The following CHP1 variants were observed in gnomAD, a reference collection of about 807,000 sequenced individuals.
CHP1 encodes the protein calcineurin B homologous protein 1.
A neutral mutation model predicts 27.4 loss-of-function variants in CHP1; 11 were observed. That is an observed-to-expected ratio of 0.40 (90% CI 0.25 to 0.67). CHP1 has a LOEUF of 0.67. Ranked by LOEUF, CHP1 falls within the 30% of genes least tolerant of loss-of-function variation. The probability of loss-of-function intolerance (pLI) is 0.38; values close to 1 mark genes in which losing one functional copy is unlikely to be tolerated. For missense variants in CHP1, 169 were observed against 251.3 expected (o/e 0.67, Z 2.22); for synonymous variants, 89 against 87.4 (o/e 1.02, Z -0.10).
chr15:41,247,797 G>A (rs773053764), intron 2 of CHP1, among the ~76,000 whole-genome samples: 15 of 151,362 alleles, frequency 9.9e-5, no homozygotes, highest in African/African-American at 1.5e-4. Context: ...GTGAAACCCC[G>A]TCTCTACTAA....
At chr15:41,246,165 C>T (rs2047333391) in intron 2 of CHP1, among the ~76,000 whole-genome samples, 1 of 152,046 alleles carries the variant, frequency 6.6e-6, no homozygotes, top group African/African-American at 2.4e-5. Context: ...TTATACTTGC[C>T]TCATAAATTC....
Position 41,278,885 on chromosome 15 carries a change from T to A in CHP1, c.530T>A (p.Val177Asp). ...AGTGCCATATCTTTCACAGAATTTGTTAAGGTTGGTCACTTACTTCTTGTT... is the reference window on the plus strand; with the variant it reads ...AGTGCCATATCTTTCACAGAATTTGATAAGGTTGGTCACTTACTTCTTGTT... ...GDSAISFTEF[V>D]KVLEKVDVEQ... Residue 177 changes from valine to aspartate, a missense_variant, in exon 6 of 7, where the codon GTT becomes GAT. Coordinates refer to ENST00000334660, the MANE Select transcript of CHP1 (RefSeq NM_007236.5). The A allele has an allele frequency of 6.2e-7, 1 of 1,614,028 alleles. No individual in the cohort carries two copies. Among genetic ancestry groups the A allele is most frequent in the Non-Finnish European group, 8.5e-7 (1 of 1,179,988 alleles).
intron 3 of CHP1, among the ~76,000 whole-genome samples, chr15:41,260,769 A>G (rs1012113050): frequency 1.3e-5 from 2 of 152,026 alleles, no homozygotes; most frequent in Non-Finnish European, 2.9e-5. Context: ...AGAATTATGC[A>G]TATGTTTTAA....
intron 2 of CHP1, among the ~76,000 whole-genome samples, chr15:41,246,624 CTTTTTTT>C (rs561426550): frequency 3.5e-5 from 2 of 57,304 alleles, no homozygotes; most frequent in African/African-American, 1.5e-4. Context: ...GGCCAAAAAG[CTTTTTTT>C]TTTTTTTTTT....
chr15:41,246,616 C>T (rs2047335854), intron 2 of CHP1, among the ~76,000 whole-genome samples: 1 of 139,736 alleles, frequency 7.2e-6, no homozygotes, highest in African/African-American at 2.7e-5. Context: ...CCGTGCCTGG[C>T]CAAAAAGCTT....
At chr15:41,240,057 G>A (rs2047298356) in intron 1 of CHP1, among the ~76,000 whole-genome samples, 1 of 152,038 alleles carries the variant, frequency 6.6e-6, no homozygotes, top group African/African-American at 2.4e-5. Flanking sequence ...ATTACAGCTG[G>A]GATTACAGGT....
At chr15:41,246,723 G>A (rs894253167) in intron 2 of CHP1, among the ~76,000 whole-genome samples, 1 of 142,022 alleles carries the variant, frequency 7.0e-6, no homozygotes, top group Non-Finnish European at 1.5e-5. Flanking sequence ...GGCTAACGCA[G>A]TGAAACCCCG....
intron 2 of CHP1, among the ~76,000 whole-genome samples, chr15:41,250,835 C>CTT (rs1188897531): frequency 1.1e-4 from 16 of 143,868 alleles, no homozygotes; most frequent in African/African-American, 3.3e-4. Context: ...TTCTTTCTTT[C>CTT]TTTTTTTTTT....
intron 3 of CHP1, among the ~76,000 whole-genome samples, chr15:41,258,293 C>T (rs1251112289): frequency 6.6e-6 from 1 of 152,198 alleles, no homozygotes; most frequent in African/African-American, 2.4e-5. Flanking sequence ...CATTCTTTTA[C>T]ATATCCATAG....
rs200738677 is a variant in CHP1 at position 41,252,925 on chromosome 15, TG to T, written c.141-3983del. ...AATCCACACAAATCTGTATTTCACA[TG>T]GTTTTTTTTTTTTTTTTTTTTTTTT... On this transcript the variant is annotated intron_variant, in intron 2 of 6. Coordinates refer to ENST00000334660, the MANE Select transcript of CHP1 (RefSeq NM_007236.5). Among the ~76,000 whole-genome samples the T allele has an allele frequency of 3.4e-4, 44 of 129,098 alleles. 1 individual carries two copies. Among genetic ancestry groups the T allele is most frequent in the African/African-American group, 1.2e-3 (40 of 34,592 alleles). The allele number at this position is 129,098 out of a possible 152,430, so 84.7% of individuals were successfully genotyped here.
chr15:41,257,098 C>A, intron 3 of CHP1, 108 bp downstream of exon 3: 1 of 765,844 alleles, frequency 1.3e-6, no homozygotes, highest in South Asian at 1.8e-5. Context: ...TGTGATACCC[C>A]CTGATTATAT....
chr15:41,274,549 G>A lies in CHP1; in HGVS notation c.411+3931G>A, dbSNP rs1390229530. On this transcript the variant is annotated intron_variant, in intron 5 of 6. Coordinates refer to ENST00000334660, the MANE Select transcript of CHP1 (RefSeq NM_007236.5). ...GTCCAGTAGCTGGGACTACATGCAT[G>A]TGTCACTGCACCTGGTGAAATGATG... is the stretch of plus-strand genomic sequence containing the variant. Among the ~76,000 whole-genome samples the A allele has an allele frequency of 3.3e-5, 5 of 152,238 alleles. No individual in the cohort carries two copies. In the South Asian group the frequency reaches 6.2e-4, roughly 19 times the overall value.
chr15:41,262,211 A>G (rs1555420934), intron 3 of CHP1, among the ~76,000 whole-genome samples: 3 of 151,936 alleles, frequency 2.0e-5, no homozygotes, highest in African/African-American at 2.4e-5. Flanking sequence ...GCAGAGCAAG[A>G]CTCTGTCTCA....
At chr15:41,239,582 G>C (rs1000704490) in intron 1 of CHP1, among the ~76,000 whole-genome samples, 1 of 151,282 alleles carries the variant, frequency 6.6e-6, no homozygotes, top group Non-Finnish European at 1.5e-5. Context: ...TTTTAGTAGA[G>C]ACAGGGTTTT....
At chr15:41,259,146 T>C (rs891386330) in intron 3 of CHP1, among the ~76,000 whole-genome samples, 12 of 152,208 alleles carry the variant, frequency 7.9e-5, no homozygotes, top group African/African-American at 2.4e-4. Flanking sequence ...CTGCAAAGCA[T>C]TGAACCCTAT....
At chr15:41,270,488 A>G (rs1460169917) in intron 4 of CHP1, 69 bp from the exon 5 acceptor site, 1 of 1,150,842 alleles carries the variant, frequency 8.7e-7, no homozygotes, top group South Asian at 1.2e-5. Context: ...AGTGTCTTAT[A>G]TATTTAGTTC....
At chr15:41,249,663 G>A (rs1297416073) in intron 2 of CHP1, among the ~76,000 whole-genome samples, 16 of 151,474 alleles carry the variant, frequency 1.1e-4, no homozygotes, top group Admixed American at 8.6e-4. Flanking sequence ...TAGTAGAGAC[G>A]GGGTTTCACT....
At chr15:41,274,403 T>C (rs1426117634) in intron 5 of CHP1, among the ~76,000 whole-genome samples, 2 of 152,230 alleles carry the variant, frequency 1.3e-5, no homozygotes, top group Admixed American at 6.5e-5. Context: ...CATGTCCTTA[T>C]TAACAGATCG....
At chr15:41,252,165 G>T (rs1049845515) in intron 2 of CHP1, among the ~76,000 whole-genome samples, 19 of 151,626 alleles carry the variant, frequency 1.3e-4, no homozygotes, top group African/African-American at 4.1e-4. Flanking sequence ...AAAATGGAAA[G>T]CTGTATTTTC....
Sources: allele counts gnomAD v4.1 joint callset (sites outside exome capture counted in the v4.1 genomes callset), GRCh38; gene constraint gnomAD v4.1.1; transcripts MANE v1.5; gene names NCBI Gene and HGNC (gene_info 2026-07-23, HGNC 2026-07-21).